Variants in PARD3 observed in about 807,000 individuals in gnomAD.
The protein encoded by PARD3 is partitioning defective 3 homolog.
In PARD3, 75 loss-of-function variants were observed where a neutral mutation model predicts 155.4. The observed-to-expected ratio is 0.48, with a 90% confidence interval of 0.40 to 0.58. PARD3 has a LOEUF of 0.58. Ranked by LOEUF, PARD3 falls within the 20% of genes least tolerant of loss-of-function variation. The probability of loss-of-function intolerance (pLI) is 0.00; values close to 1 mark genes in which losing one functional copy is unlikely to be tolerated. For synonymous variants in PARD3, 576 were observed against 610.5 expected (o/e 0.94, Z 0.83); for missense variants, 1,642 against 1,721.7 (o/e 0.95, Z 0.82).
At chr10:34,536,307 T>C (rs971192111) in intron 2 of PARD3, among the ~76,000 whole-genome samples, 6 of 152,212 alleles carry the variant, frequency 3.9e-5, no homozygotes, top group Non-Finnish European at 5.9e-5. Flanking sequence ...AAATCTACAG[T>C]GACTACAGTG....
Position 34,317,168 on chromosome 10 carries a change from T to C in PARD3, c.3004A>G (p.Lys1002Glu). 1.9e-6 allele frequency: 3 copies of C among 1,603,068 alleles called. No individual in the cohort carries two copies. The highest frequency in any genetic ancestry group is 2.6e-6 in the Non-Finnish European group (3 of 1,174,134). Residue 1002 changes from lysine (K) to glutamate (E), a missense_variant, in exon 20 of 25, where the codon AAG becomes GAG. Physicochemically the swap from Lys to Glu is moderately conservative, Grantham distance 56 (BLOSUM62 1). This residue lies in a region of PARD3 where 1,529 missense variants were observed against 1,587.3 expected (regional missense o/e 0.96). Transcript: ENST00000374788. ...TTGGCTTTCATTTTATCCTTCTCCTTATCTCTATCTTTCTTCTTTTCTTTT... is the reference window on the plus strand; with the variant it reads ...TTGGCTTTCATTTTATCCTTCTCCTCATCTCTATCTTTCTTCTTTTCTTTT... ...TGKEKKKDRD[K>E]EKDKMKAKKG...
chr10:34,207,147 A>G (rs1034096484), intron 22 of PARD3, among the ~76,000 whole-genome samples: 7 of 152,182 alleles, frequency 4.6e-5, no homozygotes, highest in Admixed American at 3.9e-4. Context: ...AAGACTTATC[A>G]AGCCTACATC....
At chr10:34,450,870 C>A (rs1010333564) in intron 4 of PARD3, among the ~76,000 whole-genome samples, 1 of 152,122 alleles carries the variant, frequency 6.6e-6, no homozygotes, top group African/African-American at 2.4e-5. Context: ...ATCAGAAATG[C>A]TAAAAATAAG....
chr10:34,508,078 T>A (rs1281804583), intron 3 of PARD3, among the ~76,000 whole-genome samples: 1 of 152,068 alleles, frequency 6.6e-6, no homozygotes, highest in Admixed American at 6.6e-5. Context: ...AGAAAAAAAA[T>A]TAAGAAATCA....
rs1564626864 is a variant in PARD3 at position 34,360,045 on chromosome 10, A to AAAATTTTGT, written c.1896+25_1896+26insACAAAATTT. 1.9e-6 allele frequency: 3 copies of AAAATTTTGT among 1,577,046 alleles called. No individual in the cohort carries two copies. The East Asian group carries it at 6.7e-5, about 35-fold the overall frequency. ...GAAATTAAAATTTTTGTTAATAGGCATACGCATGATAAAGTTGACACTCAC... is the reference window on the plus strand; with the variant it reads ...GAAATTAAAATTTTTGTTAATAGGCAAAATTTTGTTACGCATGATAAAGTTGACACTCAC... On this transcript the variant is annotated intron_variant, in intron 13 of 24. Transcript: ENST00000374788.
chr10:34,724,333 C>T (rs1283913568), intron 1 of PARD3, among the ~76,000 whole-genome samples: 1 of 152,098 alleles, frequency 6.6e-6, no homozygotes, highest in Non-Finnish European at 1.5e-5. Flanking sequence ...AAAGCTTATA[C>T]AAGCACCTAC....
intron 1 of PARD3, among the ~76,000 whole-genome samples, chr10:34,808,485 C>G (rs1187331229): frequency 2.0e-5 from 3 of 152,172 alleles, no homozygotes; most frequent in Non-Finnish European, 2.9e-5. Flanking sequence ...TGATGTCCAG[C>G]TCTACTGCCA....
chr10:34,753,295 G>A (rs1273128145), intron 1 of PARD3, among the ~76,000 whole-genome samples: 2 of 152,230 alleles, frequency 1.3e-5, no homozygotes, highest in African/African-American at 4.8e-5. Flanking sequence ...TGGAGAAGCT[G>A]GCAAATAAGC....
intron 7 of PARD3, among the ~76,000 whole-genome samples, chr10:34,395,641 T>A (rs1321878593): frequency 3.1e-5 from 1 of 32,602 alleles, no homozygotes; most frequent in Non-Finnish European, 4.9e-5. Flanking sequence ...ATCGAGACCA[T>A]CCTGGCTAAC....
At chr10:34,583,027 G>A (rs971662456) in intron 2 of PARD3, among the ~76,000 whole-genome samples, 2 of 152,136 alleles carry the variant, frequency 1.3e-5, no homozygotes, top group African/African-American at 2.4e-5. Context: ...TACCAGACCT[G>A]GACTGCCAAC....
At position 34,111,421 on chromosome 10, in the gene PARD3, A is replaced by G. The variant is rs184771146; in HGVS notation, c.3810T>C (p.His1270=). 1 of 1,614,166 alleles carries G rather than the reference A, an allele frequency of 6.2e-7. No individual in the cohort carries two copies. Among genetic ancestry groups the G allele is most frequent in the Non-Finnish European group, 8.5e-7 (1 of 1,180,024 alleles). Residue 1270 remains histidine (H), a synonymous_variant, in exon 25 of 25, where the codon CAT becomes CAC. Coordinates refer to ENST00000374788, the MANE Select transcript of PARD3 (RefSeq NM_001184785.2). ...CCAGCATGACCCTGGCGTTGAAGCC[A>G]TGTCCTCCCAGGTAGCCGTTCCTGG... ...QGSRNGYLGG[H]GFNARVMLET... is the part of the protein sequence containing the mutation.
chr10:34,533,104 T>C (rs575374516), intron 2 of PARD3, among the ~76,000 whole-genome samples: 3 of 152,324 alleles, frequency 2.0e-5, no homozygotes, highest in Admixed American at 6.5e-5. Flanking sequence ...AATAAGAATA[T>C]GGGATTATAA....
At chr10:34,579,576 G>GTGTGTA (rs1554775655) in intron 2 of PARD3, among the ~76,000 whole-genome samples, 9 of 151,594 alleles carry the variant, frequency 5.9e-5, no homozygotes, top group Non-Finnish European at 8.8e-5. Context: ...GTGTGTGTGT[G>GTGTGTA]TGTGTGTGTG....
intron 1 of PARD3, among the ~76,000 whole-genome samples, chr10:34,810,181 C>T (rs1588867391): frequency 6.6e-6 from 1 of 152,256 alleles, no homozygotes; most frequent in South Asian, 2.1e-4. Flanking sequence ...CCACATGACG[C>T]CACACCTGGA....
rs138546943 is a variant in PARD3, at chr10:34,395,095, C to A, written c.890+4235G>T. ...TGTCACCTAGGCTGGAGTGCAGTGG[C>A]GTGATCTTGGCTCACTGCAAACTCT... is the stretch of plus-strand genomic sequence containing the variant. On this transcript the variant is annotated intron_variant, in intron 7 of 24. Transcript: ENST00000374788. 1.1e-3 allele frequency among the ~76,000 whole-genome samples: 174 copies of A among 152,242 alleles called. 1 individual carries two copies. Among genetic ancestry groups the A allele is most frequent in the African/African-American group, 3.8e-3 (159 of 41,544 alleles).
intron 5 of PARD3, among the ~76,000 whole-genome samples, chr10:34,440,153 A>C (rs757538923): frequency 6.6e-6 from 1 of 152,242 alleles, no homozygotes; most frequent in Non-Finnish European, 1.5e-5. Flanking sequence ...TAAAATTTCA[A>C]AATTAAAAAT....
At chr10:34,284,997 C>T (rs566451394) in intron 20 of PARD3, among the ~76,000 whole-genome samples, 4 of 152,294 alleles carry the variant, frequency 2.6e-5, no homozygotes, top group Non-Finnish European at 4.4e-5. Flanking sequence ...TCTCTTCTGG[C>T]ATCCAAAATA....
chr10:34,780,685 T>C (rs1840135849), intron 1 of PARD3, among the ~76,000 whole-genome samples: 1 of 152,256 alleles, frequency 6.6e-6, no homozygotes, highest in Non-Finnish European at 1.5e-5. Flanking sequence ...CTTTCTTTTC[T>C]CTTGCCGCAG....
chr10:34,636,520 C>A (rs1301326151), intron 2 of PARD3, among the ~76,000 whole-genome samples: 3 of 152,212 alleles, frequency 2.0e-5, no homozygotes, highest in Non-Finnish European at 1.5e-5. Context: ...AGTTACCGCA[C>A]AGGTGCTTCT....
Sources: gnomAD v4.1 joint callset for allele counts (sites outside exome capture counted in the v4.1 genomes callset) on GRCh38, gnomAD v4.1.1 for gene constraint, gnomAD v4.1.1 regional missense constraint, MANE v1.5 for transcripts, NCBI Gene and HGNC (gene_info 2026-07-23, HGNC 2026-07-21) for gene names.